NADSYN1: variants seen among roughly 807,000 people sequenced by gnomAD.
NADSYN1 encodes the protein glutamine-dependent NAD(+) synthetase.
NADSYN1 carries 80 observed loss-of-function variants against 99.3 expected under a neutral mutation model. The ratio of observed to expected loss-of-function variants is 0.81; its 90% CI spans 0.67 to 0.97. The LOEUF is 0.97. NADSYN1 is among the 50% of genes least tolerant of loss of function. The pLI, the probability that NADSYN1 is intolerant of heterozygous loss-of-function variation, is 0.00. For synonymous variants in NADSYN1, 385 were observed against 372.1 expected, an observed-to-expected ratio of 1.03 and a Z score of -0.40; for missense variants, 859 against 948.5, an observed-to-expected ratio of 0.91 and a Z score of 1.24.
chr11:71,501,093 C>T (rs1408840692), intron 20 of NADSYN1, among the ~76,000 whole-genome samples: 1 of 152,232 alleles, frequency 6.6e-6, no homozygotes, highest in African/African-American at 2.4e-5. Flanking sequence ...AAGGTGGAGA[C>T]GCTGCTGTCA....
At chr11:71,494,408 T>C (rs926180098) in intron 18 of NADSYN1, among the ~76,000 whole-genome samples, 3 of 152,164 alleles carry the variant, frequency 2.0e-5, no homozygotes, top group Non-Finnish European at 4.4e-5. Flanking sequence ...CATAGGAGGC[T>C]AGACCATCTG....
rs138657763 is a variant in NADSYN1 at position 71,473,571 on chromosome 11, C to T, written c.551C>T (p.Pro184Leu). ...TCTTCACCTGCCTCTGCCTGCAGCCCGCACATCGACATGGGCCTGGATGGC... is the reference window on the plus strand; with the variant it reads ...TCTTCACCTGCCTCTGCCTGCAGCCTGCACATCGACATGGGCCTGGATGGC... ...ICEELWTPHS[P>L]HIDMGLDGVE... The change falls in exon 8 of 21, where the codon CCG (proline) becomes CTG (leucine). Residue 184 changes from proline (P) to leucine (L), a missense_variant and splice_region_variant. Physicochemically the swap from Pro to Leu is moderately conservative, Grantham distance 98. Transcript: ENST00000319023. The T allele has an allele frequency of 9.3e-5, 150 of 1,608,780 alleles. No homozygotes were observed. Among genetic ancestry groups the T allele is most frequent in the Non-Finnish European group, 1.2e-4 (142 of 1,176,756 alleles).
At chr11:71,487,830 C>CAAAAAAAAAAAAAAA (rs71049984) in intron 16 of NADSYN1, among the ~76,000 whole-genome samples, 2 of 80,078 alleles carry the variant, frequency 2.5e-5, no homozygotes, top group Non-Finnish European at 2.4e-5. Context: ...GACTCCGTCT[C>CAAAAAAAAAAAAAAA]AAAAAAAAAA....
At chr11:71,458,333 C>A in intron 2 of NADSYN1, 95 bp from the exon 3 acceptor site, 1 of 890,504 alleles carries the variant, frequency 1.1e-6, no homozygotes, top group Non-Finnish European at 1.9e-6. Flanking sequence ...GAGCCCCGGC[C>A]CCCAGACACG....
intron 15 of NADSYN1, 48 bp from the exon 16 acceptor site, chr11:71,485,494 G>C: frequency 1.4e-6 from 2 of 1,425,150 alleles, no homozygotes; most frequent in Non-Finnish European, 1.9e-6. Flanking sequence ...CGTCTCCCCC[G>C]TGTTCCTTTG....
chr11:71,463,336 G>A (rs750971810), intron 3 of NADSYN1, 96 bp from the exon 4 acceptor site: 47 of 1,134,188 alleles, frequency 4.1e-5, no homozygotes, highest in Non-Finnish European at 6.0e-5. Context: ...TCGTAGTAAA[G>A]TAAAATGCAT....
chr11:71,483,089 T>C, intron 14 of NADSYN1, 72 bp downstream of exon 14: 1 of 1,566,758 alleles, frequency 6.4e-7, no homozygotes, highest in Non-Finnish European at 8.7e-7. Context: ...GCTCCGCCTG[T>C]GAGTGCATTG....
intron 4 of NADSYN1, 82 bp from the exon 5 acceptor site, chr11:71,463,971 G>A (rs918018425): frequency 7.7e-6 from 9 of 1,173,736 alleles, no homozygotes; most frequent in Middle Eastern, 2.0e-4. Flanking sequence ...GCATCACCTC[G>A]TCACTTGGTG....
At chr11:71,486,433 A>T (rs1273427272) in intron 16 of NADSYN1, among the ~76,000 whole-genome samples, 1 of 151,758 alleles carries the variant, frequency 6.6e-6, no homozygotes, top group Non-Finnish European at 1.5e-5. Context: ...TCATCCATCC[A>T]TCCACCCATC....
In NADSYN1 at chr11:71,463,504, C is replaced by T; in HGVS notation, c.317+19C>T. On this transcript the variant is annotated intron_variant, in intron 4 of 20. Coordinates refer to ENST00000319023, the MANE Select transcript of NADSYN1 (RefSeq NM_018161.5). ...TCAACAGGTAGGCCCCCTGCCCCCA[C>T]CCCGGGAGGGTGACTGGGGCCTCTC... 6.2e-7 allele frequency: 1 copy of T among 1,611,410 alleles called. No individual in the cohort carries two copies. Among genetic ancestry groups the T allele is most frequent in the East Asian group, 2.2e-5 (1 of 44,812 alleles).
intron 18 of NADSYN1, among the ~76,000 whole-genome samples, chr11:71,494,531 A>G (rs1949806674): frequency 2.0e-5 from 2 of 100,904 alleles, no homozygotes; most frequent in African/African-American, 3.3e-5. Context: ...TGATGATCCA[A>G]AAATTTCTTT....
intron 13 of NADSYN1, 127 bp downstream of exon 13, chr11:71,482,152 G>A: frequency 1.3e-6 from 1 of 783,498 alleles, no homozygotes. Flanking sequence ...GGGCTTTGTG[G>A]CCACGCACAA....
intron 4 of NADSYN1, among the ~76,000 whole-genome samples, chr11:71,463,821 G>A (rs1037254669): frequency 1.3e-5 from 2 of 152,232 alleles, no homozygotes; most frequent in Non-Finnish European, 2.9e-5. Flanking sequence ...CTGGGGAGGC[G>A]CACACCTTCT....
At chr11:71,475,933 C>A in intron 9 of NADSYN1, 1 of 435,182 alleles carries the variant, frequency 2.3e-6, no homozygotes. Flanking sequence ...CGGCTGGTCG[C>A]AAACTCCTGA....
intron 5 of NADSYN1, among the ~76,000 whole-genome samples, chr11:71,469,122 A>G (rs1027448632): frequency 6.6e-6 from 1 of 151,680 alleles, no homozygotes; most frequent in Non-Finnish European, 1.5e-5. Flanking sequence ...TAATATTTCC[A>G]TGGAAGAGCA....
rs201167349 is a variant in NADSYN1, at chr11:71,469,462, G to C, written c.408-2987G>C. Among the ~76,000 whole-genome samples, 10 of 152,326 alleles carry C rather than the reference G, an allele frequency of 6.6e-5. No individual in the cohort carries two copies. The East Asian group carries it at 1.9e-3, about 29-fold the overall frequency. On this transcript the variant is annotated intron_variant, in intron 5 of 20. Transcript: ENST00000319023. ...AGTGTGGAGTGGGAATCAGGGGGCT[G>C]ACAACCTTCAGAGCTGAGAGCCATG...
At chr11:71,497,674 C>T (rs535157647) in intron 19 of NADSYN1, 63 bp downstream of exon 19, 28 of 1,603,644 alleles carry the variant, frequency 1.7e-5, no homozygotes, top group South Asian at 1.5e-4. Flanking sequence ...TTGCAGAGGC[C>T]GGTTTGACCT....
intron 9 of NADSYN1, 163 bp downstream of exon 9, chr11:71,474,689 G>A (rs1009612444): frequency 4.1e-5 from 35 of 859,916 alleles, no homozygotes; most frequent in African/African-American, 4.1e-4. Context: ...CGCTTAGTGA[G>A]GGCCCCTGTG....
At position 71,481,343 on chromosome 11, in the gene NADSYN1, G is replaced by T; in HGVS notation, c.999-13G>T. Reference sequence around the variant, plus strand: ...CCACCGCCTCCGGGCTCCATGTTCTGATTGCCCTGCAGCCTTGGACCTGCC... The same window carrying T: ...CCACCGCCTCCGGGCTCCATGTTCTTATTGCCCTGCAGCCTTGGACCTGCC... On this transcript the variant is annotated splice_polypyrimidine_tract_variant and intron_variant, in intron 11 of 20. Transcript: ENST00000319023. 4 of 1,613,856 alleles carry T rather than the reference G, an allele frequency of 2.5e-6. No homozygotes were observed. The highest frequency in any genetic ancestry group is 2.5e-6 in the Non-Finnish European group (3 of 1,179,974).
Sources: allele counts gnomAD v4.1 joint callset (sites outside exome capture counted in the v4.1 genomes callset), GRCh38; gene constraint gnomAD v4.1.1; transcripts MANE v1.5; gene names NCBI Gene and HGNC (gene_info 2026-07-23, HGNC 2026-07-21).